The following UNG variants were observed in gnomAD, a reference collection of about 807,000 sequenced individuals.
UNG encodes uracil DNA glycosylase, also known as uracil-DNA glycosylase.
A neutral mutation model predicts 36.5 loss-of-function variants in UNG; 34 were observed. The ratio of observed to expected loss-of-function variants is 0.93; its 90% CI spans 0.71 to 1.24. The LOEUF (loss-of-function observed/expected upper bound fraction) is 1.24. UNG is among the 50% of genes most tolerant of loss of function. The probability of loss-of-function intolerance (pLI) is 0.00; values close to 1 mark genes in which losing one functional copy is unlikely to be tolerated. For missense variants in UNG, 391 were observed against 397.6 expected, an observed-to-expected ratio of 0.98 and a Z score of 0.14; for synonymous variants, 172 against 157.8, an observed-to-expected ratio of 1.09 and a Z score of -0.67.
rs1438461547 is a variant in UNG at position 109,098,364 on chromosome 12, G to A, written c.133-68G>A. 6.9e-6 allele frequency: 11 copies of A among 1,602,014 alleles called. No homozygotes were observed. In the Admixed American group the frequency reaches 6.9e-5, roughly 10 times the overall value. The stretch of plus-strand genomic sequence containing the variant: ...TGCCTTGGGCCGTGGGGGTTGGGCC[G>A]GAAGCTGCGGACGCCTGGGAAGGGG... On this transcript the variant is annotated intron_variant, in intron 1 of 6. Coordinates refer to ENST00000242576, the MANE Select transcript of UNG (RefSeq NM_080911.3).
At chr12:109,105,774 T>G (rs2135889843) in intron 6 of UNG, among the ~76,000 whole-genome samples, 1 of 152,274 alleles carries the variant, frequency 6.6e-6, no homozygotes, top group East Asian at 1.9e-4. Flanking sequence ...TGTTCTTTCT[T>G]CCCCCTCCAA....
At chr12:109,099,565 G>T (rs757358274) in intron 3 of UNG, among the ~76,000 whole-genome samples, 1 of 151,950 alleles carries the variant, frequency 6.6e-6, no homozygotes, top group Non-Finnish European at 1.5e-5. Flanking sequence ...AGATGTTATG[G>T]TGGTGGTGAA....
At chr12:109,103,347 G>A (rs886754246) in intron 5 of UNG, 86 bp from the exon 6 acceptor site, 62 of 1,291,302 alleles carry the variant, frequency 4.8e-5, no homozygotes, top group African/African-American at 4.2e-4. Flanking sequence ...TCAAGCATTG[G>A]TTTCATCATG....
In UNG at chr12:109,102,069, A is replaced by C. The variant is rs749822527; in HGVS notation, c.533+70A>C. Reference sequence around the variant, plus strand: ...TCAGATGTGTACTTAGCTTATTACAAGTGGGACTATCTGGGGCACTGTTCA... The same window carrying C: ...TCAGATGTGTACTTAGCTTATTACACGTGGGACTATCTGGGGCACTGTTCA... On this transcript the variant is annotated intron_variant, in intron 4 of 6. Coordinates refer to ENST00000242576, the MANE Select transcript of UNG (RefSeq NM_080911.3). The C allele has an allele frequency of 5.8e-4, 813 of 1,407,672 alleles. 1 individual carries two copies. Among genetic ancestry groups the C allele is most frequent in the Non-Finnish European group, 7.3e-4 (730 of 997,618 alleles). 87.2% of individuals were successfully genotyped at this position (1,407,672 alleles called of 1,614,324 possible).
chr12:109,097,663 G>A lies in UNG; in HGVS notation c.-17G>A, dbSNP rs750560113. On this transcript the variant is annotated 5_prime_UTR_variant, in exon 1 of 7. Transcript: ENST00000242576. The stretch of plus-strand genomic sequence containing the variant: ...GGTTCCCGGGTGGCGCGCGTTCGCT[G>A]CCTCCTCAGCTCCAGGATGATCGGC... 7.5e-6 allele frequency: 12 copies of A among 1,603,344 alleles called. No individual in the cohort carries two copies. The highest frequency in any genetic ancestry group is 4.5e-5 in the East Asian group (2 of 44,200).
chr12:109,102,974 C>CT, intron 5 of UNG, 47 bp downstream of exon 5: 11 of 1,069,282 alleles, frequency 1.0e-5, no homozygotes, highest in African/African-American at 1.8e-5. Context: ...TTTTTTGAGA[C>CT]CGAGTCTCAC....
Position 109,110,552 on chromosome 12 carries a change from T to C in UNG, c.*583T>C, listed in dbSNP as rs1163186364. On this transcript the variant is annotated 3_prime_UTR_variant, in exon 7 of 7. Transcript: ENST00000242576. ...TTCCTGATTGTAGTAGAGGTTAAGA[T>C]TGCTGTGAGCTTTATCAGATAAGAG... is the stretch of plus-strand genomic sequence containing the variant. 1 of 158,488 alleles carries C rather than the reference T, an allele frequency of 6.3e-6. No homozygotes were observed. The highest frequency in any genetic ancestry group is 1.4e-5 in the Non-Finnish European group (1 of 71,458). 9.8% of individuals were successfully genotyped at this position (158,488 alleles called of 1,614,324 possible).
intron 6 of UNG, among the ~76,000 whole-genome samples, chr12:109,104,274 C>T (rs1033034576): frequency 6.6e-6 from 1 of 151,998 alleles, no homozygotes; most frequent in Non-Finnish European, 1.5e-5. Context: ...GTTTTGAACT[C>T]CTGACCTCAA....
At chr12:109,098,293 T>G (rs1272251276) in intron 1 of UNG, 139 bp from the exon 2 acceptor site, 16 of 1,578,926 alleles carry the variant, frequency 1.0e-5, no homozygotes, top group Non-Finnish European at 1.4e-5. Flanking sequence ...CCCTGGGCTC[T>G]TACTGTCCGC....
chr12:109,100,325 C>T (rs1242098346), intron 3 of UNG, among the ~76,000 whole-genome samples: 1 of 152,174 alleles, frequency 6.6e-6, no homozygotes, highest in Non-Finnish European at 1.5e-5. Context: ...GCATTTAGCA[C>T]CTGCTGACAC....
rs920445543 is a variant in UNG, at chr12:109,100,041, G to A, written c.435+757G>A. Among the ~76,000 whole-genome samples the A allele has an allele frequency of 1.4e-4, 22 of 151,976 alleles. 1 individual carries two copies. Among genetic ancestry groups the A allele is most frequent in the Admixed American group, 2.0e-4 (3 of 15,238 alleles). On this transcript the variant is annotated intron_variant, in intron 3 of 6. Coordinates refer to ENST00000242576, the MANE Select transcript of UNG (RefSeq NM_080911.3). ...CACACCACTTCACTCCAGCGTGGGC[G>A]ACAGAGCCAGACCCTGTCTCAAAAC...
Position 109,109,908 on chromosome 12 carries a change from CAA to C in UNG, c.883_884del (p.Lys295AspfsTer3), listed in dbSNP as rs750553526. ...GGGTTCTTTGGATGTAGACACTTTT[CAA>C]AGACCAATGAGCTGCTGCAGAAGTC... On this transcript the variant is annotated frameshift_variant, in exon 7 of 7. Transcript: ENST00000242576. LOFTEE classifies it high-confidence loss of function. The C allele has an allele frequency of 6.2e-7, 1 of 1,614,136 alleles. No homozygotes were observed. The highest frequency in any genetic ancestry group is 1.1e-5 in the South Asian group (1 of 91,084).
chr12:109,098,704 G>C (rs2042154013), intron 2 of UNG, 66 bp downstream of exon 2: 1 of 1,605,334 alleles, frequency 6.2e-7, no homozygotes, highest in African/African-American at 1.3e-5. Context: ...TGTCTTGTTA[G>C]TGTAGCCGGC....
At position 109,097,769 on chromosome 12, in the gene UNG, G is replaced by T. The variant is rs766467977; in HGVS notation, c.90G>T (p.Gly30=). The change falls in exon 1 of 7, where the codon GGG becomes GGT. Residue 30 remains glycine (G), a synonymous_variant. Coordinates refer to ENST00000242576, the MANE Select transcript of UNG (RefSeq NM_080911.3). ...CCAGCCCCGAGCCGGCCGTCCAGGG[G>T]ACCGGCGTGGCTGGGGTGCCTGAGG... ...HAPSPEPAVQ[G]TGVAGVPEES... 4.5e-6 allele frequency: 7 copies of T among 1,565,560 alleles called. No homozygotes were observed. The highest frequency in any genetic ancestry group is 1.9e-5 in the Admixed American group (1 of 53,344).
Position 109,098,597 on chromosome 12 carries a change from A to C in UNG, c.298A>C (p.Lys100Gln), listed in dbSNP as rs1334727732. 6.2e-7 allele frequency: 1 copy of C among 1,613,446 alleles called. No individual in the cohort carries two copies. The highest frequency in any genetic ancestry group is 1.3e-5 in the African/African-American group (1 of 74,950). ...VPVGFGESWK[K>Q]HLSGEFGKPY... ...CGTGGGCTTTGGAGAGAGCTGGAAG[A>C]AGCACCTCAGCGGGGAGTTCGGGAA... is the stretch of plus-strand genomic sequence containing the variant. Residue 100 changes from lysine to glutamine, a missense_variant, in exon 2 of 7, where the codon AAG becomes CAG. Coordinates refer to ENST00000242576, the MANE Select transcript of UNG (RefSeq NM_080911.3).
In UNG at chr12:109,098,552, C is replaced by A; in HGVS notation, c.253C>A (p.Leu85Ile). The change falls in exon 2 of 7, where the codon CTC (leucine) becomes ATC (isoleucine). Residue 85 changes from leucine (L) to isoleucine (I), a missense_variant. Transcript: ENST00000242576. The part of the protein sequence containing the change: ...QRNKAAALLR[L>I]AARNVPVGFG... ...GAACAAGGCCGCGGCCCTGCTCAGA[C>A]TCGCGGCCCGCAACGTGCCCGTGGG... is the stretch of plus-strand genomic sequence containing the variant. 1 of 1,613,258 alleles carries A rather than the reference C, an allele frequency of 6.2e-7. No individual in the cohort carries two copies. The highest frequency in any genetic ancestry group is 8.5e-7 in the Non-Finnish European group (1 of 1,179,978).
At chr12:109,108,230 T>G (rs1184377998) in intron 6 of UNG, among the ~76,000 whole-genome samples, 2 of 152,206 alleles carry the variant, frequency 1.3e-5, no homozygotes, top group Non-Finnish European at 2.9e-5. Flanking sequence ...TTTGTGTAGG[T>G]ACAACTGGTC....
In UNG at chr12:109,102,908, A is replaced by G; in HGVS notation, c.603A>G (p.Leu201=). ...TTGTTCATCCTGGCCATGGAGATTT[A>G]TCTGGGTGGGCCAAGCAAGGTAAGC... ...EDFVHPGHGD[L]SGWAKQGVLL... Residue 201 remains leucine, a synonymous_variant, in exon 5 of 7, where the codon TTA becomes TTG. Transcript: ENST00000242576. The G allele has an allele frequency of 1.3e-6, 2 of 1,589,284 alleles. No individual in the cohort carries two copies. Among genetic ancestry groups the G allele is most frequent in the Non-Finnish European group, 1.7e-6 (2 of 1,164,240 alleles).
In UNG at chr12:109,097,644, C is replaced by G. The variant is rs1010345666; in HGVS notation, c.-36C>G. 1 of 1,597,634 alleles carries G rather than the reference C, an allele frequency of 6.3e-7. No individual in the cohort carries two copies. The highest frequency in any genetic ancestry group is 8.5e-7 in the Non-Finnish European group (1 of 1,172,178). ...AGCCAGGGCTAGCCTCGCCGGTTCC[C>G]GGGTGGCGCGCGTTCGCTGCCTCCT... On this transcript the variant is annotated 5_prime_UTR_variant, in exon 1 of 7. Transcript: ENST00000242576.
Sources: allele counts gnomAD v4.1 joint callset (sites outside exome capture counted in the v4.1 genomes callset), GRCh38; gene constraint gnomAD v4.1.1; transcripts MANE v1.5; gene names NCBI Gene and HGNC (gene_info 2026-07-23, HGNC 2026-07-21).